Variants in BLNK observed in about 807,000 individuals in gnomAD.
The protein encoded by BLNK is B-cell linker protein.
A neutral mutation model predicts 73.5 loss-of-function variants in BLNK; 29 were observed. That is an observed-to-expected ratio of 0.39 (90% CI 0.29 to 0.54). The LOEUF (loss-of-function observed/expected upper bound fraction) is 0.54. Among genes scored for constraint, BLNK ranks in the 20% least tolerant of loss-of-function variants. The pLI, the probability that BLNK is intolerant of heterozygous loss-of-function variation, is 0.61. For synonymous variants in BLNK, 176 were observed against 200.8 expected (o/e 0.88, Z 1.04); for missense variants, 460 against 562.8 (o/e 0.82, Z 1.85).
chr10:96,271,451 A>C lies in BLNK; in HGVS notation c.-53T>G. 2 of 1,582,644 alleles carry C rather than the reference A, an allele frequency of 1.3e-6. No homozygotes were observed. Among genetic ancestry groups the C allele is most frequent in the Non-Finnish European group, 8.7e-7 (1 of 1,151,484 alleles). On this transcript the variant is annotated 5_prime_UTR_variant, in exon 1 of 17. Coordinates refer to ENST00000224337, the MANE Select transcript of BLNK (RefSeq NM_013314.4). Reference sequence around the variant, plus strand: ...ATAACTGTCCAGTGGTCACGTCAGCAGTTCCTGGCCCTCCTAGGGAGCAGC... The same window carrying C: ...ATAACTGTCCAGTGGTCACGTCAGCCGTTCCTGGCCCTCCTAGGGAGCAGC...
At chr10:96,215,531 T>C in intron 7 of BLNK, 142 bp from the exon 8 acceptor site, 1 of 650,746 alleles carries the variant, frequency 1.5e-6, no homozygotes, top group East Asian at 2.9e-5. Context: ...GACACCCTTA[T>C]TAGACACACA....
At chr10:96,207,098 G>T (rs1231240596) in intron 10 of BLNK, 45 bp from the exon 11 acceptor site, 10 of 1,535,008 alleles carry the variant, frequency 6.5e-6, no homozygotes, top group Non-Finnish European at 9.0e-6. Context: ...ATAGCAGAAT[G>T]TGGAAATAAA....
intron 15 of BLNK, among the ~76,000 whole-genome samples, chr10:96,197,304 ATAAT>A (rs1346550920): frequency 3.9e-5 from 6 of 152,228 alleles, no homozygotes; most frequent in African/African-American, 1.2e-4. Flanking sequence ...AAAAAAGGTA[ATAAT>A]TAATTAATTA....
chr10:96,256,847 C>A (rs868939968), intron 1 of BLNK, among the ~76,000 whole-genome samples: 7 of 141,954 alleles, frequency 4.9e-5, no homozygotes, highest in African/African-American at 1.8e-4. Flanking sequence ...CACCACTGCA[C>A]TCCAGCCTGG....
In BLNK at chr10:96,200,239, T is replaced by C; in HGVS notation, c.1012-81A>G. On this transcript the variant is annotated intron_variant, in intron 14 of 16. Coordinates refer to ENST00000224337, the MANE Select transcript of BLNK (RefSeq NM_013314.4). The surrounding 1 kb of genome is among the most constrained non-coding windows in gnomAD (Gnocchi z 4.3). ...CTGTGTACTAGAAACAAAGACCCAT[T>C]TGCATTATCAAGACAGGCCTCTACA... 1.7e-6 allele frequency: 2 copies of C among 1,153,166 alleles called. No homozygotes were observed. The highest frequency in any genetic ancestry group is 2.6e-6 in the Non-Finnish European group (2 of 773,654). The allele number at this position is 1,153,166 out of a possible 1,614,324, so 71.4% of individuals were successfully genotyped here. A position where few individuals can be genotyped will look rare whatever the true frequency, so the allele number is the denominator to read the frequency against.
At chr10:96,216,879 C>G (rs1273350482) in intron 6 of BLNK, 145 bp from the exon 7 acceptor site, 4 of 747,982 alleles carry the variant, frequency 5.3e-6, no homozygotes, top group African/African-American at 5.2e-5. Flanking sequence ...AATTTGGTGA[C>G]TTTTAGTATA....
At chr10:96,256,118 G>A (rs142940957) in intron 1 of BLNK, among the ~76,000 whole-genome samples, 93 of 152,246 alleles carry the variant, frequency 6.1e-4, no homozygotes, top group African/African-American at 2.0e-3. Context: ...GATCACTTGA[G>A]GTCAGGAGTT....
chr10:96,241,772 C>T (rs992511777), intron 3 of BLNK, among the ~76,000 whole-genome samples: 14 of 151,664 alleles, frequency 9.2e-5, no homozygotes, highest in Non-Finnish European at 1.9e-4. Flanking sequence ...ACTCTGTTGC[C>T]CTGGCTGGAT....
intron 1 of BLNK, among the ~76,000 whole-genome samples, 196 bp from the exon 2 acceptor site, chr10:96,247,245 G>A (rs1843078875): frequency 6.6e-6 from 1 of 152,200 alleles, no homozygotes; most frequent in African/African-American, 2.4e-5. Context: ...GATTCTATAA[G>A]GAATATGGTC....
In BLNK at chr10:96,229,043, G is replaced by A. The variant is rs587708888; in HGVS notation, c.205-1477C>T. Among the ~76,000 whole-genome samples the A allele has an allele frequency of 5.3e-5, 8 of 151,998 alleles. No individual in the cohort carries two copies. The East Asian group carries it at 1.5e-3, about 29-fold the overall frequency. The stretch of plus-strand genomic sequence containing the variant: ...GTAGTAATAACATCTGGGTAAATGG[G>A]GTATCCATCACTCAAGCATTCATTT... On this transcript the variant is annotated intron_variant, in intron 4 of 16. Coordinates refer to ENST00000224337, the MANE Select transcript of BLNK (RefSeq NM_013314.4).
chr10:96,270,446 C>G (rs1208616535), intron 1 of BLNK, among the ~76,000 whole-genome samples: 1 of 152,064 alleles, frequency 6.6e-6, no homozygotes, highest in African/African-American at 2.4e-5. Flanking sequence ...AGGGGAACAT[C>G]ACACACCGGG....
chr10:96,266,919 T>G (rs568498216), intron 1 of BLNK, among the ~76,000 whole-genome samples: 1 of 152,194 alleles, frequency 6.6e-6, no homozygotes, highest in Non-Finnish European at 1.5e-5. Context: ...GGAACTTCAG[T>G]CCATGTTGTC....
At chr10:96,216,512 A>G in intron 7 of BLNK, 141 bp downstream of exon 7, 1 of 747,782 alleles carries the variant, frequency 1.3e-6, no homozygotes, top group Non-Finnish European at 2.4e-6. Context: ...CCAACCAGCC[A>G]AAGAAGCACA....
At chr10:96,215,661 T>A (rs2084048341) in intron 7 of BLNK, among the ~76,000 whole-genome samples, 2 of 152,206 alleles carry the variant, frequency 1.3e-5, no homozygotes, top group Admixed American at 1.3e-4. Flanking sequence ...TTAAAGTGAA[T>A]AATGGCTTTG....
At chr10:96,214,391 T>A (rs1301488624) in intron 8 of BLNK, among the ~76,000 whole-genome samples, 1 of 151,984 alleles carries the variant, frequency 6.6e-6, no homozygotes, top group Non-Finnish European at 1.5e-5. Flanking sequence ...TGTGGTGAGA[T>A]GAAACTGGTA....
rs533172059 is a variant in BLNK at position 96,259,944 on chromosome 10, C to T, written c.47+11408G>A. Among the ~76,000 whole-genome samples the T allele has an allele frequency of 5.9e-5, 9 of 152,106 alleles. No individual in the cohort carries two copies. The South Asian group carries it at 1.7e-3, about 28-fold the overall frequency. On this transcript the variant is annotated intron_variant, in intron 1 of 16. Transcript: ENST00000224337. ...TGGCAAGGAAATGATGCTATACCTG[C>T]CTTAAGAAGTTCTTAGAAGTTTTGT...
intron 1 of BLNK, among the ~76,000 whole-genome samples, chr10:96,260,073 G>T (rs1340431797): frequency 2.0e-5 from 3 of 152,108 alleles, no homozygotes; most frequent in Admixed American, 6.6e-5. Flanking sequence ...CTTTCCTTTA[G>T]CACATTGGAA....
intron 3 of BLNK, among the ~76,000 whole-genome samples, chr10:96,231,226 G>T (rs1314960568): frequency 6.6e-6 from 1 of 152,144 alleles, no homozygotes. Context: ...GCTCTGTTCC[G>T]AATGCGTTGG....
intron 2 of BLNK, among the ~76,000 whole-genome samples, chr10:96,245,153 TTTG>T (rs1554907328): frequency 6.6e-6 from 1 of 152,028 alleles, no homozygotes; most frequent in African/African-American, 2.4e-5. Flanking sequence ...GCCATTTATG[TTTG>T]ATGATGATCA....
Sources: allele counts gnomAD v4.1 joint callset (sites outside exome capture counted in the v4.1 genomes callset), GRCh38; gene constraint gnomAD v4.1.1; non-coding constraint Gnocchi (gnomAD v3.1); transcripts MANE v1.5; gene names NCBI Gene and HGNC (gene_info 2026-07-23, HGNC 2026-07-21).